FILIP1: variants seen among roughly 807,000 people sequenced by gnomAD.
FILIP1 encodes filamin-A-interacting protein 1.
A neutral mutation model predicts 102.1 loss-of-function variants in FILIP1; 61 were observed. The ratio of observed to expected loss-of-function variants is 0.60; its 90% CI spans 0.49 to 0.74. The LOEUF (loss-of-function observed/expected upper bound fraction) is 0.74. FILIP1 is among the 30% of genes least tolerant of loss of function. The pLI is 0.00. For synonymous variants in FILIP1, 491 were observed against 526.9 expected (o/e 0.93, Z 0.93); for missense variants, 1,314 against 1,441.2 (o/e 0.91, Z 1.43).
Position 75,405,199 on chromosome 6 carries a change from T to C in FILIP1, c.276+9498A>G, listed in dbSNP as rs190837745. Among the ~76,000 whole-genome samples, 13 of 152,334 alleles carry C rather than the reference T, an allele frequency of 8.5e-5. No homozygotes were observed. In the East Asian group the frequency reaches 2.3e-3, roughly 27 times the overall value. ...TTCCCCATAGGACTTGGCATTCAAG[T>C]CACACTGTTTTGGTCTTTTACTTTT... is the stretch of plus-strand genomic sequence containing the variant. On this transcript the variant is annotated intron_variant, in intron 2 of 5. Transcript: ENST00000237172.
chr6:75,405,129 A>C (rs934597945), intron 2 of FILIP1, among the ~76,000 whole-genome samples: 3 of 152,230 alleles, frequency 2.0e-5, no homozygotes, highest in African/African-American at 7.2e-5. Context: ...GCCCAGAGTC[A>C]ACACTAATAA....
intron 6 of FILIP1, among the ~76,000 whole-genome samples, chr6:75,298,141 C>A (rs1772734862): frequency 1.3e-5 from 2 of 152,170 alleles, no homozygotes; most frequent in African/African-American, 4.8e-5. Flanking sequence ...ATTTCAAAAT[C>A]TCCATCATAG....
downstream of FILIP1, among the ~76,000 whole-genome samples, chr6:75,304,442 C>A (rs1329501057): frequency 1.3e-5 from 2 of 152,148 alleles, no homozygotes; most frequent in African/African-American, 4.8e-5. Flanking sequence ...TCTCAAACTC[C>A]TGAGCTCTAG....
chr6:75,406,242 A>G (rs771242246), intron 2 of FILIP1, among the ~76,000 whole-genome samples: 2 of 152,106 alleles, frequency 1.3e-5, no homozygotes, highest in Non-Finnish European at 2.9e-5. Flanking sequence ...GTAGTCTGTA[A>G]ATGGAGGTGT....
At position 75,362,847 on chromosome 6, in the gene FILIP1, C is replaced by A. The variant is rs1775213879; in HGVS notation, c.347G>T (p.Gly116Val). 6.2e-7 allele frequency: 1 copy of A among 1,613,850 alleles called. No individual in the cohort carries two copies. The highest frequency in any genetic ancestry group is 1.7e-5 in the Admixed American group (1 of 59,966). The change falls in exon 3 of 6, where the codon GGG becomes GTG. Residue 116 changes from glycine (G) to valine (V), a missense_variant. Coordinates refer to ENST00000237172, the MANE Select transcript of FILIP1 (RefSeq NM_015687.5). ...TKPEVLEAHY[G>V]SAEPEKVLRV... ...CAGCACTTTCTCTGGCTCCGCAGACCCGTAATGAGCCTCCAGAACCTCAGG... is the reference window on the plus strand; with the variant it reads ...CAGCACTTTCTCTGGCTCCGCAGACACGTAATGAGCCTCCAGAACCTCAGG...
chr6:75,362,475 A>G (rs1164375013), intron 3 of FILIP1, among the ~76,000 whole-genome samples: 1 of 152,250 alleles, frequency 6.6e-6, no homozygotes, highest in Non-Finnish European at 1.5e-5. Flanking sequence ...AAGTAAAAGA[A>G]TAATATACTG....
chr6:75,388,645 G>A (rs1582431845), intron 2 of FILIP1, among the ~76,000 whole-genome samples: 1 of 152,152 alleles, frequency 6.6e-6, no homozygotes, highest in East Asian at 1.9e-4. Context: ...TGTAGCAGTT[G>A]TGAATAGGAT....
In FILIP1 at chr6:75,414,834, C is replaced by T. The variant is rs1349737265; in HGVS notation, c.139G>A (p.Asp47Asn). The change falls in exon 2 of 6, where the codon GAT (aspartate) becomes AAT (asparagine). Residue 47 changes from aspartate to asparagine, a missense_variant. By Grantham distance (23) the Asp-to-Asn change is conservative. Coordinates refer to ENST00000237172, the MANE Select transcript of FILIP1 (RefSeq NM_015687.5). ...KKKKKSNRKEDDVMASGTVKR... is the reference protein window; with the variant it reads ...KKKKKSNRKENDVMASGTVKR... ...ACAGTTCCTGAGGCCATGACATCAT[C>T]CTCCTTCCTATTTGATTTCTTCTTC... is the stretch of plus-strand genomic sequence containing the variant. 1 of 1,613,808 alleles carries T rather than the reference C, an allele frequency of 6.2e-7. No individual in the cohort carries two copies. Among genetic ancestry groups the T allele is most frequent in the South Asian group, 1.1e-5 (1 of 91,066 alleles).
intron 6 of FILIP1, among the ~76,000 whole-genome samples, chr6:75,297,474 C>T (rs1772714724): frequency 6.6e-6 from 1 of 152,024 alleles, no homozygotes; most frequent in South Asian, 2.1e-4. Flanking sequence ...TATAGAATGT[C>T]TTATATACCT....
intron 2 of FILIP1, among the ~76,000 whole-genome samples, chr6:75,387,414 C>T (rs995428697): frequency 6.6e-6 from 1 of 152,126 alleles, no homozygotes; most frequent in African/African-American, 2.4e-5. Context: ...CCAGTAATGG[C>T]ATTGCTGGGT....
chr6:75,409,025 A>G (rs1307871897), intron 2 of FILIP1, among the ~76,000 whole-genome samples: 1 of 152,190 alleles, frequency 6.6e-6, no homozygotes, highest in Non-Finnish European at 1.5e-5. Context: ...CCTGGTGTAA[A>G]AAAAACCTTA....
intron 5 of FILIP1, among the ~76,000 whole-genome samples, chr6:75,310,087 C>T (rs1479639064): frequency 6.6e-6 from 1 of 152,242 alleles, no homozygotes; most frequent in Non-Finnish European, 1.5e-5. Context: ...ATTTTCTGCC[C>T]TTGCATTTTT....
At chr6:75,320,570 C>T (rs1439702275) in intron 4 of FILIP1, among the ~76,000 whole-genome samples, 1 of 151,878 alleles carries the variant, frequency 6.6e-6, no homozygotes, top group African/African-American at 2.4e-5. Context: ...GAACAAGACC[C>T]TATCTCAAAA....
intron 3 of FILIP1, among the ~76,000 whole-genome samples, chr6:75,355,751 A>G (rs1375653860): frequency 1.3e-5 from 2 of 152,172 alleles, no homozygotes; most frequent in African/African-American, 4.8e-5. Flanking sequence ...TCACCTTTTT[A>G]GTCCCTGGTG....
chr6:75,349,085 C>A (rs558893204), intron 4 of FILIP1, among the ~76,000 whole-genome samples: 3 of 152,294 alleles, frequency 2.0e-5, no homozygotes, highest in African/African-American at 7.2e-5. Context: ...TTCTAGGCCT[C>A]AATGTCTCCA....
rs796882967 is a variant in FILIP1 at position 75,493,782 on chromosome 6, T to C, written c.-375A>G. On this transcript the variant is annotated 5_prime_UTR_variant, in exon 1 of 6. Transcript: ENST00000237172. Reference sequence around the variant, plus strand: ...CTCTTCTGCTCCCTTCACAACACTGTCAGAGCAATGGCTATGTTGAGGAGC... The same window carrying C: ...CTCTTCTGCTCCCTTCACAACACTGCCAGAGCAATGGCTATGTTGAGGAGC... 37 of 152,352 alleles carry C rather than the reference T, an allele frequency of 2.4e-4. No individual in the cohort carries two copies. Among genetic ancestry groups the C allele is most frequent in the African/African-American group, 8.7e-4 (36 of 41,586 alleles). 9.4% of individuals were successfully genotyped at this position (152,352 alleles called of 1,614,324 possible).
At position 75,362,659 on chromosome 6, in the gene FILIP1, A is replaced by C. The variant is rs554045907; in HGVS notation, c.450+85T>G. 14 of 1,407,596 alleles carry C rather than the reference A, an allele frequency of 9.9e-6. No individual in the cohort carries two copies. In the African/African-American group the frequency reaches 1.9e-4, roughly 19 times the overall value. The allele number at this position is 1,407,596 out of a possible 1,614,324, so 87.2% of individuals were successfully genotyped here. A position where few individuals can be genotyped will look rare whatever the true frequency, so the allele number is the denominator to read the frequency against. Reference sequence around the variant, plus strand: ...TCATCAAAATTTTGCCTTTGAAAGAAAATGTTAAAGCATGTAAATGGAAGA... The same window carrying C: ...TCATCAAAATTTTGCCTTTGAAAGACAATGTTAAAGCATGTAAATGGAAGA... On this transcript the variant is annotated intron_variant, in intron 3 of 5. Transcript: ENST00000237172.
chr6:75,424,904 T>C (rs1777582158), intron 1 of FILIP1, among the ~76,000 whole-genome samples: 2 of 152,172 alleles, frequency 1.3e-5, no homozygotes, highest in African/African-American at 2.4e-5. Context: ...ACGTCAACTA[T>C]ATTCAGGTAT....
At chr6:75,338,828 T>A (rs1323279609) in intron 4 of FILIP1, among the ~76,000 whole-genome samples, 3 of 152,188 alleles carry the variant, frequency 2.0e-5, no homozygotes, top group Non-Finnish European at 1.5e-5. Context: ...AAAAACTCAA[T>A]CCAACTAGTT....
Sources: allele counts gnomAD v4.1 joint callset (sites outside exome capture counted in the v4.1 genomes callset), GRCh38; gene constraint gnomAD v4.1.1; transcripts MANE v1.5; gene names NCBI Gene and HGNC (gene_info 2026-07-23, HGNC 2026-07-21).